JAK1: variants seen among roughly 807,000 people sequenced by gnomAD.
JAK1 encodes tyrosine-protein kinase JAK1.
In JAK1, 16 loss-of-function variants were observed where a neutral mutation model predicts 136.6. That is an observed-to-expected ratio of 0.12 (90% CI 0.08 to 0.18). JAK1 has a LOEUF of 0.18. Among genes scored for constraint, JAK1 ranks in the 10% least tolerant of loss-of-function variants. JAK1 has a pLI of 1.00. For synonymous variants in JAK1, 492 were observed against 519.5 expected, an observed-to-expected ratio of 0.95 and a Z score of 0.72; for missense variants, 859 against 1,450.1, an observed-to-expected ratio of 0.59 and a Z score of 6.62.
intron 1 of JAK1, among the ~76,000 whole-genome samples, chr1:64,909,415 G>C (rs191017791): frequency 1.1e-4 from 17 of 152,256 alleles, no homozygotes; most frequent in African/African-American, 3.4e-4. Flanking sequence ...TTTTAGGATG[G>C]AGGGGAGAAG....
chr1:65,029,516 ATGTT>A (rs1299770788), intron 2 of JAK1, among the ~76,000 whole-genome samples: 2 of 152,224 alleles, frequency 1.3e-5, no homozygotes, highest in Non-Finnish European at 2.9e-5. Context: ...ATTCACATGT[ATGTT>A]CACTGCAGCA....
At chr1:64,973,301 AAGAG>A (rs899003014) in intron 2 of JAK1, among the ~76,000 whole-genome samples, 20 of 148,156 alleles carry the variant, frequency 1.3e-4, no homozygotes, top group South Asian at 6.9e-4. Context: ...GCGAGAAAGA[AAGAG>A]AGAGAAAGGA....
At chr1:65,054,595 A>G (rs1647442166) in intron 1 of JAK1, among the ~76,000 whole-genome samples, 1 of 152,140 alleles carries the variant, frequency 6.6e-6, no homozygotes, top group African/African-American at 2.4e-5. Flanking sequence ...AAAAACTCCA[A>G]AGAATTTCAG....
At chr1:64,967,262 A>G (rs1473237385), upstream of JAK1, among the ~76,000 whole-genome samples, 1 of 152,212 alleles carries the variant, frequency 6.6e-6, no homozygotes, top group Admixed American at 6.5e-5. Context: ...GTCCACGGAC[A>G]AATCCTAACA....
chr1:64,869,802 G>A (rs990586445), intron 5 of JAK1, among the ~76,000 whole-genome samples: 1 of 152,188 alleles, frequency 6.6e-6, no homozygotes, highest in Non-Finnish European at 1.5e-5. Flanking sequence ...AGCAAGGGAA[G>A]GTGACACTGG....
At chr1:64,885,978 A>G (rs943242743) in intron 2 of JAK1, among the ~76,000 whole-genome samples, 1 of 152,262 alleles carries the variant, frequency 6.6e-6, no homozygotes, top group African/African-American at 2.4e-5. Context: ...GATTATGCAC[A>G]TGCATATTAA....
chr1:64,876,278 T>C (rs1247213193), intron 4 of JAK1: 1 of 152,224 alleles, frequency 6.6e-6, no homozygotes, highest in East Asian at 1.9e-4. Flanking sequence ...TCCTTGGATC[T>C]GGTAGAGATG....
chr1:64,972,868 C>T (rs189166357), intron 2 of JAK1: 1 of 152,248 alleles, frequency 6.6e-6, no homozygotes, highest in Non-Finnish European at 1.5e-5. Context: ...CCTGTAACTC[C>T]AGCACTTTTG....
In JAK1 at chr1:65,014,448, G is replaced by A. The variant is rs539810336; in HGVS notation, c.-78+30032C>T. Reference sequence around the variant, plus strand: ...AAAGAAAGAGAGAATGGGAGGGAGGGAAAGGAAAGGAAAGAAAGGAGAAAA... The same window carrying A: ...AAAGAAAGAGAGAATGGGAGGGAGGAAAAGGAAAGGAAAGAAAGGAGAAAA... On this transcript the variant is annotated intron_variant, in intron 2 of 25. Transcript: ENST00000671954. Among the ~76,000 whole-genome samples the A allele has an allele frequency of 1.3e-4, 20 of 149,090 alleles. No individual in the cohort carries two copies. The Admixed American group carries it at 1.4e-3, about 10-fold the overall frequency.
intron 1 of JAK1, among the ~76,000 whole-genome samples, chr1:65,052,496 G>A (rs567054104): frequency 1.4e-4 from 22 of 151,946 alleles, no homozygotes; most frequent in Non-Finnish European, 2.4e-4. Flanking sequence ...TGACCAACAC[G>A]GTGAAACCCC....
At chr1:64,861,159 C>A (rs1052088096) in intron 8 of JAK1, among the ~76,000 whole-genome samples, 18 of 152,152 alleles carry the variant, frequency 1.2e-4, no homozygotes, top group African/African-American at 4.3e-4. Flanking sequence ...ATGGCTAAAT[C>A]GGCATTATTC....
At chr1:64,847,000 T>A in intron 13 of JAK1, 1 of 526,092 alleles carries the variant, frequency 1.9e-6, no homozygotes, top group Non-Finnish European at 3.4e-6. Flanking sequence ...TGGCTAAGAA[T>A]TTTCCCACTG....
intron 1 of JAK1, among the ~76,000 whole-genome samples, chr1:64,915,274 T>C (rs1645374595): frequency 6.6e-6 from 1 of 151,820 alleles, no homozygotes; most frequent in Admixed American, 6.6e-5. Context: ...AATTCACAAA[T>C]ATGTAAGGGG....
intron 2 of JAK1, among the ~76,000 whole-genome samples, chr1:64,995,822 C>A (rs1451270532): frequency 5.9e-5 from 9 of 152,120 alleles, no homozygotes; most frequent in African/African-American, 2.2e-4. Context: ...ACTGCAGCCT[C>A]AACCTCCCTA....
At chr1:64,847,715 C>T (rs1356723495) in intron 12 of JAK1, 40 bp from the exon 13 acceptor site, 3 of 1,605,588 alleles carry the variant, frequency 1.9e-6, no homozygotes, top group African/African-American at 1.3e-5. Flanking sequence ...CTCTCTGTGC[C>T]CTGAAGTGAT....
rs1197781839 is a variant in JAK1, at chr1:64,990,933, A to AG, written c.-78+53546_-78+53547insC. 2.1e-5 allele frequency: 3 copies of AG among 145,148 alleles called. 1 individual carries two copies. The highest frequency in any genetic ancestry group is 7.6e-5 in the African/African-American group (3 of 39,310). The allele number at this position is 145,148 out of a possible 1,614,324, so 9.0% of individuals were successfully genotyped here. A position where few individuals can be genotyped will look rare whatever the true frequency, so the allele number is the denominator to read the frequency against. On this transcript the variant is annotated intron_variant, in intron 2 of 25. Coordinates refer to the JAK1 transcript ENST00000671954. Reference sequence around the variant, plus strand: ...AGACTCCGTCTCAAAAAAAAAAAAAAAAAAAAGAAAAGAAGAAAAAAAAAA... The same window carrying AG: ...AGACTCCGTCTCAAAAAAAAAAAAAAGAAAAAAGAAAAGAAGAAAAAAAAAA...
At chr1:64,903,075 G>A (rs922418403) in intron 1 of JAK1, among the ~76,000 whole-genome samples, 2 of 152,148 alleles carry the variant, frequency 1.3e-5, no homozygotes, top group Middle Eastern at 3.2e-3. Context: ...CACCCAGGCT[G>A]GAGTGCAATG....
At chr1:65,044,989 A>G (rs1406950422) in intron 1 of JAK1, among the ~76,000 whole-genome samples, 1 of 152,236 alleles carries the variant, frequency 6.6e-6, no homozygotes, top group Non-Finnish European at 1.5e-5. Flanking sequence ...GGGATTTGGT[A>G]GCATTCCAAA....
chr1:65,036,660 T>G (rs1285012381), intron 2 of JAK1, among the ~76,000 whole-genome samples: 1 of 149,566 alleles, frequency 6.7e-6, no homozygotes, highest in East Asian at 2.1e-4. Flanking sequence ...TTCTAATTAT[T>G]CTACAAAGTA....
Sources: gnomAD v4.1 joint callset for allele counts (sites outside exome capture counted in the v4.1 genomes callset) on GRCh38, gnomAD v4.1.1 for gene constraint, MANE v1.5 for transcripts, NCBI Gene and HGNC (gene_info 2026-07-23, HGNC 2026-07-21) for gene names.